CNTN5: variants seen among roughly 807,000 people sequenced by gnomAD.
The protein encoded by CNTN5 is contactin 5.
A neutral mutation model predicts 129.1 loss-of-function variants in CNTN5; 77 were observed. The ratio of observed to expected loss-of-function variants is 0.60; its 90% CI spans 0.50 to 0.72. The LOEUF (loss-of-function observed/expected upper bound fraction) is 0.72. Among genes scored for constraint, CNTN5 ranks in the 30% least tolerant of loss-of-function variants. CNTN5 has a pLI of 0.00. For missense variants in CNTN5, 1,478 were observed against 1,328.8 expected, an observed-to-expected ratio of 1.11 and a Z score of -1.75; for synonymous variants, 509 against 465.6, an observed-to-expected ratio of 1.09 and a Z score of -1.20.
chr11:99,916,715 C>G (rs1949798908), intron 7 of CNTN5, among the ~76,000 whole-genome samples: 1 of 152,074 alleles, frequency 6.6e-6, no homozygotes, highest in Non-Finnish European at 1.5e-5. Flanking sequence ...CTAAGCTCTG[C>G]TCAGATTAAT....
chr11:99,285,060 A>C (rs1863873178), intron 1 of CNTN5, among the ~76,000 whole-genome samples: 1 of 152,080 alleles, frequency 6.6e-6, no homozygotes, highest in African/African-American at 2.4e-5. Flanking sequence ...ACTTTGGAAA[A>C]TCTAGATAGT....
chr11:99,820,166 A>C (rs2135558315), intron 4 of CNTN5, among the ~76,000 whole-genome samples: 1 of 152,202 alleles, frequency 6.6e-6, no homozygotes, highest in South Asian at 2.1e-4. Flanking sequence ...TCTTTTCTAA[A>C]CATCTTTAAA....
chr11:100,301,670 G>A (rs1322141085), intron 20 of CNTN5, among the ~76,000 whole-genome samples: 2 of 151,584 alleles, frequency 1.3e-5, no homozygotes, highest in Non-Finnish European at 3.0e-5. Context: ...TCATTAGAGT[G>A]TGTCAACCAA....
intron 4 of CNTN5, among the ~76,000 whole-genome samples, chr11:99,825,066 G>T (rs970101652): frequency 6.6e-6 from 1 of 151,900 alleles, no homozygotes; most frequent in South Asian, 2.1e-4. Flanking sequence ...TGCTCATATG[G>T]CGTTGTCTAA....
intron 8 of CNTN5, among the ~76,000 whole-genome samples, chr11:99,995,833 C>T (rs1939405953): frequency 6.6e-6 from 1 of 152,124 alleles, no homozygotes; most frequent in Non-Finnish European, 1.5e-5. Context: ...GCACCAAAAT[C>T]CACCAGGCCT....
chr11:99,426,604 G>A (rs1943132298), intron 2 of CNTN5, among the ~76,000 whole-genome samples: 1 of 152,126 alleles, frequency 6.6e-6, no homozygotes, highest in Admixed American at 6.6e-5. Flanking sequence ...TGGCACAAAT[G>A]CTGGTCTTGT....
At position 100,201,629 on chromosome 11, in the gene CNTN5, T is replaced by C. The variant is rs369286881; in HGVS notation, c.1884+7966T>C. On this transcript the variant is annotated intron_variant, in intron 15 of 24. Coordinates refer to ENST00000524871, the MANE Select transcript of CNTN5 (RefSeq NM_014361.4). ...ATATATCTCTACCTCCCTCCTGTTT[T>C]CCTTTACTTGTCTTTCACTATTCAT... Among the ~76,000 whole-genome samples the C allele has an allele frequency of 1.1e-3, 163 of 151,168 alleles. 4 individuals are homozygous for C. Among genetic ancestry groups the C allele is most frequent in the African/African-American group, 3.6e-3 (151 of 41,486 alleles).
chr11:99,273,996 T>C (rs886214110), intron 1 of CNTN5, among the ~76,000 whole-genome samples: 5 of 151,762 alleles, frequency 3.3e-5, no homozygotes, highest in African/African-American at 9.7e-5. Flanking sequence ...CTTTCACATT[T>C]ACATTTAAAC....
intron 1 of CNTN5, among the ~76,000 whole-genome samples, chr11:99,066,309 G>A (rs1717450637): frequency 6.6e-6 from 1 of 152,020 alleles, no homozygotes; most frequent in Admixed American, 6.6e-5. Context: ...TCACCATGTT[G>A]CCCAGGGTGG....
At chr11:100,296,699 A>T (rs1055115693) in intron 18 of CNTN5, among the ~76,000 whole-genome samples, 1 of 151,574 alleles carries the variant, frequency 6.6e-6, no homozygotes, top group Non-Finnish European at 1.5e-5. Flanking sequence ...CCTTTCCAGG[A>T]GTATATAAAT....
At chr11:100,259,666 G>T (rs565984608) in intron 17 of CNTN5, among the ~76,000 whole-genome samples, 27 of 152,092 alleles carry the variant, frequency 1.8e-4, no homozygotes, top group African/African-American at 5.1e-4. Flanking sequence ...CAACTACATG[G>T]AAACTGAAAA....
chr11:100,199,416 A>G (rs906161420), intron 15 of CNTN5, among the ~76,000 whole-genome samples: 1 of 151,882 alleles, frequency 6.6e-6, no homozygotes, highest in African/African-American at 2.4e-5. Context: ...CCCATTTTCT[A>G]TTCCAACCTC....
intron 4 of CNTN5, among the ~76,000 whole-genome samples, chr11:99,833,023 G>T (rs572469624): frequency 6.6e-6 from 1 of 152,258 alleles, no homozygotes; most frequent in African/African-American, 2.4e-5. Context: ...AGCCTGAAAG[G>T]CAGATTTAGA....
chr11:99,182,272 T>C (rs191424481), intron 1 of CNTN5, among the ~76,000 whole-genome samples: 287 of 152,266 alleles, frequency 1.9e-3, no homozygotes, highest in African/African-American at 6.4e-3. Flanking sequence ...GAGTGTCAAA[T>C]TGAAGTAAAT....
At chr11:99,261,660 C>T (rs1224020938) in intron 1 of CNTN5, among the ~76,000 whole-genome samples, 3 of 152,032 alleles carry the variant, frequency 2.0e-5, no homozygotes, top group East Asian at 1.9e-4. Flanking sequence ...GATGCATACA[C>T]ATTTGTCAGT....
At chr11:100,286,316 C>A (rs1279415441) in intron 18 of CNTN5, among the ~76,000 whole-genome samples, 1 of 152,084 alleles carries the variant, frequency 6.6e-6, no homozygotes, top group Non-Finnish European at 1.5e-5. Flanking sequence ...CACAGACAAA[C>A]AAAAAGACAG....
intron 17 of CNTN5, among the ~76,000 whole-genome samples, chr11:100,268,364 G>A (rs556175777): frequency 1.3e-5 from 2 of 152,230 alleles, no homozygotes; most frequent in South Asian, 4.2e-4. Flanking sequence ...TAAAAATTAT[G>A]AAAATAACAC....
At chr11:100,304,276 C>T (rs954196537) in intron 20 of CNTN5, among the ~76,000 whole-genome samples, 3 of 151,590 alleles carry the variant, frequency 2.0e-5, no homozygotes, top group Admixed American at 1.3e-4. Context: ...AAGAGGTTTC[C>T]CTCTAAGTCT....
intron 3 of CNTN5, among the ~76,000 whole-genome samples, chr11:99,727,768 C>T (rs1943401372): frequency 6.6e-6 from 1 of 152,112 alleles, no homozygotes; most frequent in Non-Finnish European, 1.5e-5. Context: ...TAAAATAGAA[C>T]ACCATAAAGT....
Sources: allele counts gnomAD v4.1 joint callset (sites outside exome capture counted in the v4.1 genomes callset), GRCh38; gene constraint gnomAD v4.1.1; transcripts MANE v1.5; gene names NCBI Gene and HGNC (gene_info 2026-07-23, HGNC 2026-07-21).